The following UGT1A3 variants were observed in gnomAD, a reference collection of about 807,000 sequenced individuals.
UGT1A3 encodes UDP-glucuronosyltransferase 1A3.
Under a neutral mutation model 41.0 loss-of-function variants are expected in UGT1A3, and 31 were observed. That is an observed-to-expected ratio of 0.76 (90% confidence interval 0.57 to 1.02). UGT1A3 has a LOEUF of 1.02. Among genes scored for constraint, UGT1A3 ranks in the 50% least tolerant of loss-of-function variants. UGT1A3 has a pLI of 0.00. For synonymous variants in UGT1A3, 262 were observed against 257.6 expected, an observed-to-expected ratio of 1.02 and a Z score of -0.17; for missense variants, 737 against 671.0, an observed-to-expected ratio of 1.10 and a Z score of -1.09.
At chr2:233,745,324 G>C (rs1405359203) in intron 1 of UGT1A3, among the ~76,000 whole-genome samples, 1 of 151,812 alleles carries the variant, frequency 6.6e-6, no homozygotes, top group African/African-American at 2.4e-5. Flanking sequence ...CACTAGAACT[G>C]CTATATCATG....
At chr2:233,767,618 CA>C (rs1300150978) in intron 2 of UGT1A3, among the ~76,000 whole-genome samples, 2 of 152,178 alleles carry the variant, frequency 1.3e-5, no homozygotes, top group Non-Finnish European at 2.9e-5. Flanking sequence ...CCTAAGTGCA[CA>C]GCTTGATAAA....
At chr2:233,755,297 A>G in intron 1 of UGT1A3, 2 of 623,206 alleles carry the variant, frequency 3.2e-6, no homozygotes, top group East Asian at 6.1e-5. Context: ...CCTGCGGGGC[A>G]CTGGCACAGC....
rs1236421933 is a variant in UGT1A3, at chr2:233,745,346, T to TG, written c.867+15358dup. 2.2e-4 allele frequency among the ~76,000 whole-genome samples: 34 copies of TG among 151,966 alleles called. 1 individual carries two copies. The highest frequency in any genetic ancestry group is 8.2e-4 in the African/African-American group (34 of 41,256). ...ACTGCTATATCATGACCATGAATTT[T>TG]GGGGGAATTTTTTTGAGATCTGAGT... is the stretch of plus-strand genomic sequence containing the variant. On this transcript the variant is annotated intron_variant, in intron 1 of 4. Coordinates refer to ENST00000482026, the MANE Select transcript of UGT1A3 (RefSeq NM_019093.4).
chr2:233,766,614 C>T (rs1699203096), intron 1 of UGT1A3, among the ~76,000 whole-genome samples: 1 of 152,184 alleles, frequency 6.6e-6, no homozygotes, highest in Non-Finnish European at 1.5e-5. Context: ...CCCTCTTCTA[C>T]CCAGCACTTC....
rs368834284 is a variant in UGT1A3 at position 233,743,991 on chromosome 2, G to A, written c.867+13998G>A. 42 of 1,251,932 alleles carry A rather than the reference G, an allele frequency of 3.4e-5. No individual in the cohort carries two copies. In the South Asian group the frequency reaches 3.7e-4, roughly 11 times the overall value. The allele number at this position is 1,251,932 out of a possible 1,614,324, so 77.6% of individuals were successfully genotyped here. On this transcript the variant is annotated intron_variant, in intron 1 of 4. Transcript: ENST00000482026. ...GCTGCCAGCACCCAGGCGCAGGCCC[G>A]AGTGCTCGGAGACCTGGGCCGCCTG...
At chr2:233,755,256 T>C in intron 1 of UGT1A3, 1 of 820,386 alleles carries the variant, frequency 1.2e-6, no homozygotes, top group Non-Finnish European at 1.8e-6. Context: ...CAGCACCTCG[T>C]AGTAGTCCAC....
intron 1 of UGT1A3, chr2:233,750,763 G>T (rs1694554656): frequency 6.6e-6 from 1 of 152,010 alleles, no homozygotes; most frequent in East Asian, 1.9e-4. Context: ...CATCGATGTG[G>T]TGTTGGGCCT....
At chr2:233,754,319 C>A in intron 1 of UGT1A3, 1 of 236,458 alleles carries the variant, frequency 4.2e-6, no homozygotes, top group Non-Finnish European at 8.4e-6. Flanking sequence ...CATTGTCTGC[C>A]TCAGGCTTAA....
intron 2 of UGT1A3, 46 bp downstream of exon 2, chr2:233,767,211 C>T (rs780479302): frequency 1.9e-5 from 30 of 1,612,468 alleles, no homozygotes; most frequent in South Asian, 1.5e-4. Flanking sequence ...TTCACAGGAG[C>T]GCTAATCCCA....
At position 233,729,624 on chromosome 2, in the gene UGT1A3, G is replaced by A. The variant is rs563451648; in HGVS notation, c.498G>A (p.Ser166=). The stretch of plus-strand genomic sequence containing the variant: ...CGGCAGTGCTGGCTAAGTACCTGTC[G>A]ATTCCTACTGTGTTTTTTTTGAGGA... The part of the protein sequence containing the change: ...LCAAVLAKYL[S]IPTVFFLRNI... Residue 166 remains serine, a synonymous_variant, in exon 1 of 5, where the codon TCG becomes TCA. Coordinates refer to ENST00000482026, the MANE Select transcript of UGT1A3 (RefSeq NM_019093.4). 1.5e-5 allele frequency: 25 copies of A among 1,613,906 alleles called. No individual in the cohort carries two copies. The highest frequency in any genetic ancestry group is 6.7e-5 in the African/African-American group (5 of 75,002).
rs1028385252 is a variant in UGT1A3 at position 233,772,759 on chromosome 2, C to T, written c.*200C>T. On this transcript the variant is annotated 3_prime_UTR_variant, in exon 5 of 5. Transcript: ENST00000482026. ...TCAGTAAAGATATTTGAATATGTAT[C>T]GTGCCCCCTCTGGTGTCTTTGATCA... is the stretch of plus-strand genomic sequence containing the variant. 2.3e-5 allele frequency: 32 copies of T among 1,393,958 alleles called. No individual in the cohort carries two copies. In the Admixed American group the frequency reaches 4.6e-4, roughly 20 times the overall value. The allele number at this position is 1,393,958 out of a possible 1,614,324, so 86.3% of individuals were successfully genotyped here. A position where few individuals can be genotyped will look rare whatever the true frequency, so the allele number is the denominator to read the frequency against.
chr2:233,738,020 A>T (rs1165451282), intron 1 of UGT1A3, among the ~76,000 whole-genome samples: 1 of 152,034 alleles, frequency 6.6e-6, no homozygotes, highest in East Asian at 1.9e-4. Context: ...TTGAATTGTA[A>T]TCCCCATAAT....
Position 233,729,592 on chromosome 2 carries a change from C to G in UGT1A3, c.466C>G (p.Leu156Val), listed in dbSNP as rs1253832448. Residue 156 changes from leucine to valine, a missense_variant, in exon 1 of 5, where the codon CTC (leucine) becomes GTC (valine). Transcript: ENST00000482026. Reference protein sequence around the residue: ...FDVVLTDPVNLCAAVLAKYLS... With the variant: ...FDVVLTDPVNVCAAVLAKYLS... ...TGTGGTTTTAACAGACCCCGTTAAC[C>G]TCTGCGCGGCAGTGCTGGCTAAGTA... 6.2e-7 allele frequency: 1 copy of G among 1,613,966 alleles called. No homozygotes were observed. Among genetic ancestry groups the G allele is most frequent in the African/African-American group, 1.3e-5 (1 of 74,892 alleles).
chr2:233,746,051 G>T (rs1270238597), intron 1 of UGT1A3, among the ~76,000 whole-genome samples: 3 of 151,680 alleles, frequency 2.0e-5, no homozygotes, highest in Non-Finnish European at 2.9e-5. Flanking sequence ...TGGATGCAGG[G>T]TCTAGAACGA....
chr2:233,736,028 C>T lies in UGT1A3; in HGVS notation c.867+6035C>T, dbSNP rs2078720719. 2.0e-5 allele frequency among the ~76,000 whole-genome samples: 3 copies of T among 152,098 alleles called. No homozygotes were observed. The South Asian group carries it at 6.2e-4, about 32-fold the overall frequency. ...TCGAGGAGTATCTTTGTGGTGTTCT[C>T]TGTATTTCCTGAATTTGAATGTTGG... is the stretch of plus-strand genomic sequence containing the variant. On this transcript the variant is annotated intron_variant, in intron 1 of 4. Transcript: ENST00000482026.
intron 1 of UGT1A3, among the ~76,000 whole-genome samples, chr2:233,762,934 A>G (rs2126001089): frequency 6.6e-6 from 1 of 152,358 alleles, no homozygotes; most frequent in Middle Eastern, 3.4e-3. Context: ...CTCTAAAAAC[A>G]GTTGAATAAT....
rs765243640 is a variant in UGT1A3 at position 233,729,276 on chromosome 2, G to A, written c.150G>A (p.Glu50=). 5 of 1,614,232 alleles carry A rather than the reference G, an allele frequency of 3.1e-6. No individual in the cohort carries two copies. Among genetic ancestry groups the A allele is most frequent in the Admixed American group, 3.3e-5 (2 of 60,036 alleles). Residue 50 remains glutamate, a synonymous_variant, in exon 1 of 5, where the codon GAG becomes GAA. Coordinates refer to ENST00000482026, the MANE Select transcript of UGT1A3 (RefSeq NM_019093.4). The stretch of plus-strand genomic sequence containing the variant: ...TCAGCATGCGGGAGGTCTTGCGGGA[G>A]CTCCATGCCAGAGGCCACCAGGCAG... ...HWLSMREVLR[E]LHARGHQAVV...
chr2:233,767,978 A>C, intron 3 of UGT1A3, 42 bp downstream of exon 3: 1 of 1,614,204 alleles, frequency 6.2e-7, no homozygotes, highest in Admixed American at 1.7e-5. Context: ...ACCAGGGTCA[A>C]ATTAAGAAAA....
At chr2:233,738,017 G>A (rs1338863372) in intron 1 of UGT1A3, among the ~76,000 whole-genome samples, 1 of 152,028 alleles carries the variant, frequency 6.6e-6, no homozygotes, top group Non-Finnish European at 1.5e-5. Flanking sequence ...ATCTTGAATT[G>A]TAATCCCCAT....
Sources: allele counts gnomAD v4.1 joint callset (sites outside exome capture counted in the v4.1 genomes callset), GRCh38; gene constraint gnomAD v4.1.1; transcripts MANE v1.5; gene names NCBI Gene and HGNC (gene_info 2026-07-23, HGNC 2026-07-21).